KCNH8: variants seen among roughly 807,000 people sequenced by gnomAD.
KCNH8 encodes the protein potassium voltage-gated channel subfamily H member 8.
In KCNH8, 70 loss-of-function variants were observed where a neutral mutation model predicts 103.6. The observed-to-expected ratio is 0.68, with a 90% CI of 0.56 to 0.82. KCNH8 has a LOEUF of 0.82. Among genes scored for constraint, KCNH8 ranks in the 40% least tolerant of loss-of-function variants. The probability of loss-of-function intolerance (pLI) is 0.00; values close to 1 mark genes in which losing one functional copy is unlikely to be tolerated. For missense variants in KCNH8, 1,217 were observed against 1,329.9 expected (o/e 0.92, Z 1.32); for synonymous variants, 498 against 489.4 (o/e 1.02, Z -0.23).
chr3:19,304,762 C>CT (rs2065108376), intron 3 of KCNH8, among the ~76,000 whole-genome samples: 1 of 152,144 alleles, frequency 6.6e-6, no homozygotes, highest in South Asian at 2.1e-4. Context: ...CTGTCCAGTA[C>CT]AGTAACCACT....
At chr3:19,498,356 T>C (rs2068491275) in intron 11 of KCNH8, among the ~76,000 whole-genome samples, 1 of 152,184 alleles carries the variant, frequency 6.6e-6, no homozygotes, top group Non-Finnish European at 1.5e-5. Context: ...TAAGTGTGTT[T>C]TTGTAGTGGC....
chr3:19,183,036 T>C (rs2063470665), intron 1 of KCNH8, among the ~76,000 whole-genome samples: 2 of 152,178 alleles, frequency 1.3e-5, no homozygotes, highest in East Asian at 3.9e-4. Context: ...CAGTACAAGT[T>C]TCTCAACCTG....
chr3:19,406,758 C>T (rs941457877), intron 7 of KCNH8, among the ~76,000 whole-genome samples: 1 of 152,062 alleles, frequency 6.6e-6, no homozygotes, highest in African/African-American at 2.4e-5. Flanking sequence ...TTCTAAATCC[C>T]TAATTTTACT....
intron 6 of KCNH8, among the ~76,000 whole-genome samples, chr3:19,394,183 G>C (rs1244372831): frequency 2.0e-5 from 3 of 152,050 alleles, no homozygotes; most frequent in Non-Finnish European, 2.9e-5. Flanking sequence ...GTGACATCAA[G>C]AAGTTTGTCA....
At chr3:19,275,679 T>C (rs892799184) in intron 2 of KCNH8, among the ~76,000 whole-genome samples, 4 of 152,168 alleles carry the variant, frequency 2.6e-5, no homozygotes, top group African/African-American at 9.7e-5. Flanking sequence ...GTGACGATGC[T>C]GTAGAGACTT....
intron 1 of KCNH8, among the ~76,000 whole-genome samples, chr3:19,152,850 C>T (rs945145308): frequency 6.6e-6 from 1 of 152,004 alleles, no homozygotes; most frequent in East Asian, 1.9e-4. Context: ...GCAGGAGAAT[C>T]CCTTGAGCCC....
At chr3:19,176,358 T>C (rs1397807965) in intron 1 of KCNH8, among the ~76,000 whole-genome samples, 2 of 152,192 alleles carry the variant, frequency 1.3e-5, no homozygotes, top group Non-Finnish European at 1.5e-5. Context: ...TATGAGGCTC[T>C]ATAAACATGA....
rs139752468 is a variant in KCNH8 at position 19,346,534 on chromosome 3, A to G, written c.571-1191A>G. ...AAACATGGGTTGAAAATACCTACCA[A>G]AGAGAAATGCCAGACAGGGGTGCGT... On this transcript the variant is annotated intron_variant, in intron 4 of 15. Transcript: ENST00000328405. The G allele has an allele frequency of 2.4e-4, 105 of 439,378 alleles. No individual in the cohort carries two copies. The East Asian group carries it at 6.9e-3, about 29-fold the overall frequency. 27.2% of individuals were successfully genotyped at this position (439,378 alleles called of 1,614,324 possible). A position where few individuals can be genotyped will look rare whatever the true frequency, so the allele number is the denominator to read the frequency against.
chr3:19,501,579 T>C (rs2068584314), intron 11 of KCNH8, among the ~76,000 whole-genome samples: 1 of 152,168 alleles, frequency 6.6e-6, no homozygotes, highest in South Asian at 2.1e-4. Context: ...TTATCCACCA[T>C]GATCAAGTGG....
chr3:19,268,386 G>T (rs137911833), intron 2 of KCNH8, among the ~76,000 whole-genome samples: 1 of 152,036 alleles, frequency 6.6e-6, no homozygotes, highest in Non-Finnish European at 1.5e-5. Context: ...AGAGAGCCAC[G>T]TATGCAAAGT....
chr3:19,411,009 C>T (rs867185978), intron 7 of KCNH8, among the ~76,000 whole-genome samples: 5 of 151,958 alleles, frequency 3.3e-5, no homozygotes, highest in Middle Eastern at 3.2e-3. Context: ...CTCCCTCACT[C>T]ATTCTATGAA....
chr3:19,204,760 C>G (rs1341027894), intron 1 of KCNH8, among the ~76,000 whole-genome samples: 1 of 152,020 alleles, frequency 6.6e-6, no homozygotes, highest in Admixed American at 6.6e-5. Flanking sequence ...TAGAGCAACT[C>G]CCCAGTCAGG....
chr3:19,365,426 T>G (rs1419033807), intron 5 of KCNH8, among the ~76,000 whole-genome samples: 1 of 152,076 alleles, frequency 6.6e-6, no homozygotes, highest in Non-Finnish European at 1.5e-5. Flanking sequence ...TCTCTGTGTT[T>G]TATAAATATT....
chr3:19,516,687 G>A (rs1040713436), intron 14 of KCNH8, among the ~76,000 whole-genome samples: 3 of 151,836 alleles, frequency 2.0e-5, no homozygotes, highest in Non-Finnish European at 2.9e-5. Context: ...CTACCCCTAC[G>A]CTTACACATT....
intron 2 of KCNH8, among the ~76,000 whole-genome samples, chr3:19,256,275 G>A (rs1022918726): frequency 1.3e-5 from 2 of 152,112 alleles, no homozygotes; most frequent in African/African-American, 4.8e-5. Flanking sequence ...TGGATATATA[G>A]TAGTTATGAA....
intron 11 of KCNH8, among the ~76,000 whole-genome samples, chr3:19,505,019 ATATG>A (rs924076636): frequency 2.8e-4 from 42 of 151,222 alleles, no homozygotes; most frequent in African/African-American, 7.8e-4. Flanking sequence ...CATATAATAT[ATATG>A]TATGTGTATA....
At chr3:19,442,630 C>T (rs2067299951) in intron 8 of KCNH8, among the ~76,000 whole-genome samples, 1 of 152,050 alleles carries the variant, frequency 6.6e-6, no homozygotes, top group Non-Finnish European at 1.5e-5. Flanking sequence ...TGGTAAGTGG[C>T]ATTAAAAAAT....
intron 11 of KCNH8, among the ~76,000 whole-genome samples, chr3:19,504,016 TGA>T (rs1330103900): frequency 6.6e-6 from 1 of 151,988 alleles, no homozygotes; most frequent in African/African-American, 2.4e-5. Context: ...GGAACAGAAT[TGA>T]GAGTCCAGAA....
intron 3 of KCNH8, among the ~76,000 whole-genome samples, chr3:19,299,133 A>G (rs914968997): frequency 2.6e-5 from 4 of 152,134 alleles, no homozygotes; most frequent in Non-Finnish European, 5.9e-5. Flanking sequence ...GGGATGTCCC[A>G]AAAGAGACTT....
Sources: allele counts gnomAD v4.1 joint callset (sites outside exome capture counted in the v4.1 genomes callset), GRCh38; gene constraint gnomAD v4.1.1; transcripts MANE v1.5; gene names NCBI Gene and HGNC (gene_info 2026-07-23, HGNC 2026-07-21).